The following CAPZA2 variants were observed in gnomAD, a reference collection of about 807,000 sequenced individuals.
CAPZA2 encodes the protein F-actin-capping protein subunit alpha-2.
In CAPZA2, 13 loss-of-function variants were observed where a neutral mutation model predicts 44.0. The observed-to-expected ratio is 0.30, with a 90% CI of 0.19 to 0.47. The LOEUF is 0.47. CAPZA2 is among the 20% of genes least tolerant of loss of function. The pLI is 1.00. For synonymous variants in CAPZA2, 94 were observed against 108.2 expected, an observed-to-expected ratio of 0.87 and a Z score of 0.81; for missense variants, 244 against 338.6, an observed-to-expected ratio of 0.72 and a Z score of 2.19.
intron 2 of CAPZA2, among the ~76,000 whole-genome samples, chr7:116,889,501 T>A (rs1010668607): frequency 6.6e-6 from 1 of 151,536 alleles, no homozygotes; most frequent in East Asian, 1.9e-4. Context: ...GCAGGAGGAT[T>A]GCTTGAGGCT....
intron 5 of CAPZA2, among the ~76,000 whole-genome samples, chr7:116,905,345 G>T (rs1187878663): frequency 6.6e-6 from 1 of 152,048 alleles, no homozygotes; most frequent in African/African-American, 2.4e-5. Flanking sequence ...AAATCCTTCA[G>T]AGATTTCCCG....
chr7:116,901,850 G>GA (rs901341220), intron 4 of CAPZA2, among the ~76,000 whole-genome samples: 18 of 139,730 alleles, frequency 1.3e-4, no homozygotes, highest in African/African-American at 3.2e-4. Flanking sequence ...AGTTTATGTG[G>GA]AAAAAAAAAC....
At chr7:116,908,605 T>C (rs1791546828) in intron 6 of CAPZA2, among the ~76,000 whole-genome samples, 1 of 152,200 alleles carries the variant, frequency 6.6e-6, no homozygotes, top group Non-Finnish European at 1.5e-5. Context: ...GAAATAGTTC[T>C]CAAATTGGTA....
intron 1 of CAPZA2, among the ~76,000 whole-genome samples, chr7:116,868,322 G>A (rs1045684795): frequency 6.6e-6 from 1 of 152,186 alleles, no homozygotes; most frequent in African/African-American, 2.4e-5. Flanking sequence ...GTGATGAATA[G>A]GATGGCTGTA....
At chr7:116,886,557 G>A (rs1394611345) in intron 1 of CAPZA2, among the ~76,000 whole-genome samples, 11 of 152,136 alleles carry the variant, frequency 7.2e-5, no homozygotes, top group Non-Finnish European at 1.6e-4. Context: ...CAATGATAGT[G>A]CTATCAAAGT....
chr7:116,872,568 C>T (rs1796566185), intron 1 of CAPZA2, among the ~76,000 whole-genome samples: 1 of 152,194 alleles, frequency 6.6e-6, no homozygotes, highest in African/African-American at 2.4e-5. Context: ...ATTCACCTGA[C>T]ACACAGACAT....
chr7:116,881,521 C>G (rs1161088268), intron 1 of CAPZA2, among the ~76,000 whole-genome samples: 1 of 151,916 alleles, frequency 6.6e-6, no homozygotes, highest in Non-Finnish European at 1.5e-5. Flanking sequence ...GGGCGGATCA[C>G]GAGGTCAGGA....
intron 1 of CAPZA2, among the ~76,000 whole-genome samples, chr7:116,872,413 G>A (rs1585001364): frequency 6.6e-6 from 1 of 152,080 alleles, no homozygotes; most frequent in African/African-American, 2.4e-5. Flanking sequence ...TCAATGTTGA[G>A]TTCTTTAGAT....
chr7:116,907,883 G>GA (rs1791537957), intron 6 of CAPZA2, among the ~76,000 whole-genome samples: 1 of 151,908 alleles, frequency 6.6e-6, no homozygotes, highest in Admixed American at 6.6e-5. Context: ...TCACTTTCTG[G>GA]AAAAAAATGT....
intron 3 of CAPZA2, among the ~76,000 whole-genome samples, chr7:116,893,431 A>G (rs1427767566): frequency 6.6e-6 from 1 of 152,004 alleles, no homozygotes; most frequent in East Asian, 1.9e-4. Flanking sequence ...ATCCGGCCTA[A>G]AAGTGTTTTT....
At chr7:116,896,261 A>C (rs750061707) in intron 3 of CAPZA2, among the ~76,000 whole-genome samples, 16 of 152,102 alleles carry the variant, frequency 1.1e-4, no homozygotes, top group Non-Finnish European at 2.1e-4. Context: ...ACAAAAAGCT[A>C]CCAACTCAGT....
intron 1 of CAPZA2, among the ~76,000 whole-genome samples, chr7:116,879,124 CAAAAAA>C (rs71148337): frequency 3.1e-4 from 14 of 45,302 alleles, no homozygotes; most frequent in African/African-American, 6.6e-4. Flanking sequence ...AACTCTGTCT[CAAAAAA>C]AAAAAAAAAA....
At chr7:116,864,653 G>A (rs1796458439) in intron 1 of CAPZA2, among the ~76,000 whole-genome samples, 1 of 152,066 alleles carries the variant, frequency 6.6e-6, no homozygotes, top group Admixed American at 6.6e-5. Flanking sequence ...TGGGGGAGGA[G>A]GATGTGTCCA....
At chr7:116,910,141 C>G in intron 6 of CAPZA2, 92 bp from the exon 7 acceptor site, 1 of 753,666 alleles carries the variant, frequency 1.3e-6, no homozygotes, top group Admixed American at 1.9e-5. Context: ...CCCACACTCT[C>G]TCATACTGTA....
At chr7:116,909,240 G>A (rs1295078171) in intron 6 of CAPZA2, among the ~76,000 whole-genome samples, 4 of 152,040 alleles carry the variant, frequency 2.6e-5, no homozygotes, top group African/African-American at 9.7e-5. Context: ...GCAAAAGCCA[G>A]TATAGTGATT....
At chr7:116,898,562 A>G (rs781653734) in intron 3 of CAPZA2, among the ~76,000 whole-genome samples, 1 of 152,134 alleles carries the variant, frequency 6.6e-6, no homozygotes, top group South Asian at 2.1e-4. Context: ...TTTGCTAAAC[A>G]TTGAAAGCTG....
chr7:116,917,037 A>C (rs1209390316), intron 9 of CAPZA2, among the ~76,000 whole-genome samples: 1 of 152,098 alleles, frequency 6.6e-6, no homozygotes, highest in Non-Finnish European at 1.5e-5. Flanking sequence ...TTTTTATATT[A>C]TTTATCAGCT....
At chr7:116,909,423 A>G (rs1213181187) in intron 6 of CAPZA2, among the ~76,000 whole-genome samples, 1 of 152,196 alleles carries the variant, frequency 6.6e-6, no homozygotes, top group Non-Finnish European at 1.5e-5. Context: ...AAGAAAAATA[A>G]GATAAAATTC....
intron 4 of CAPZA2, among the ~76,000 whole-genome samples, chr7:116,903,656 T>C (rs1384918751): frequency 6.6e-6 from 1 of 152,158 alleles, no homozygotes; most frequent in African/African-American, 2.4e-5. Flanking sequence ...TACTTGGAAG[T>C]CAATTAAAAT....
Sources: allele counts gnomAD v4.1 joint callset (sites outside exome capture counted in the v4.1 genomes callset), GRCh38; gene constraint gnomAD v4.1.1; transcripts MANE v1.5; gene names NCBI Gene and HGNC (gene_info 2026-07-23, HGNC 2026-07-21).